The following TAF4B variants were observed in gnomAD, a reference collection of about 807,000 sequenced individuals.
TAF4B encodes TATA-box binding protein associated factor 4b, also known as transcription initiation factor TFIID subunit 4B.
Under a neutral mutation model 86.4 loss-of-function variants are expected in TAF4B, and 38 were observed. That is an observed-to-expected ratio of 0.44 (90% CI 0.34 to 0.58). The LOEUF (loss-of-function observed/expected upper bound fraction) is 0.58, where lower values mean the gene tolerates loss of function less well. TAF4B is among the 20% of genes least tolerant of loss of function. The pLI is 0.02. For missense variants in TAF4B, 988 were observed against 1,027.6 expected (o/e 0.96, Z 0.53); for synonymous variants, 388 against 391.2 (o/e 0.99, Z 0.10).
intron 9 of TAF4B, among the ~76,000 whole-genome samples, chr18:26,309,915 C>G (rs1160904141): frequency 6.6e-6 from 1 of 152,152 alleles, no homozygotes; most frequent in Non-Finnish European, 1.5e-5. Flanking sequence ...AACTCTGCCT[C>G]CCGGGTTCAA....
In TAF4B at chr18:26,300,955, A is replaced by G. The variant is rs80175189; in HGVS notation, c.1832+7424A>G. Among the ~76,000 whole-genome samples the G allele has an allele frequency of 8.3e-3, 1,262 of 152,106 alleles. 18 individuals carry two copies. The highest frequency in any genetic ancestry group is 0.027 in the African/African-American group (1,124 of 41,490). On this transcript the variant is annotated intron_variant, in intron 9 of 14. Coordinates refer to ENST00000269142, the MANE Select transcript of TAF4B (RefSeq NM_005640.3). ...ATTGGGACATCTCAAGCCACTAGTC[A>G]TAGACTAGGGAGTGCATAGACTAGG...
At chr18:26,327,633 T>G (rs1309455980) in intron 12 of TAF4B, among the ~76,000 whole-genome samples, 16 of 152,216 alleles carry the variant, frequency 1.1e-4, no homozygotes, top group Admixed American at 1.0e-3. Flanking sequence ...TGCAGTGGCA[T>G]GATCTCGGCT....
chr18:26,375,209 A>G (rs1390539571), intron 14 of TAF4B, among the ~76,000 whole-genome samples: 1 of 151,584 alleles, frequency 6.6e-6, no homozygotes, highest in African/African-American at 2.4e-5. Flanking sequence ...ACTGAGCATA[A>G]TGTTTTCATG....
chr18:26,350,577 G>A (rs543833851), intron 13 of TAF4B, among the ~76,000 whole-genome samples: 2 of 152,298 alleles, frequency 1.3e-5, no homozygotes, highest in South Asian at 2.1e-4. Context: ...TTGGGAGGCC[G>A]AAGTAGTGTG....
chr18:26,339,390 A>C (rs1598810847), intron 13 of TAF4B, among the ~76,000 whole-genome samples: 1 of 152,188 alleles, frequency 6.6e-6, no homozygotes, highest in African/African-American at 2.4e-5. Flanking sequence ...CAGTGACGCA[A>C]TCTGAGCTCA....
intron 14 of TAF4B, among the ~76,000 whole-genome samples, chr18:26,361,350 C>G (rs1301937699): frequency 6.8e-6 from 1 of 147,112 alleles, no homozygotes; most frequent in Non-Finnish European, 1.5e-5. Flanking sequence ...GCCTTGAACT[C>G]CTGGCCTCAA....
intron 13 of TAF4B, among the ~76,000 whole-genome samples, chr18:26,336,085 A>G (rs1341406025): frequency 6.6e-6 from 1 of 151,982 alleles, no homozygotes; most frequent in Non-Finnish European, 1.5e-5. Flanking sequence ...TCCCTCCTGA[A>G]TAAATCATCA....
rs1220239621 is a variant in TAF4B, at chr18:26,346,877, GTATATATATATATATATATATA to G, written c.2317-10811_2317-10790del. Reference sequence around the variant, plus strand: ...TATATATGTGTATATATATATATGTGTATATATATATATATATATATATGTGTGTGTATATATATATATATAG... The same window carrying G: ...TATATATGTGTATATATATATATGTGTGTGTGTGTATATATATATATATAG... On this transcript the variant is annotated intron_variant, in intron 13 of 14. Transcript: ENST00000269142. Among the ~76,000 whole-genome samples the G allele has an allele frequency of 5.3e-3, 35 of 6,606 alleles. 1 individual carries two copies. The highest frequency in any genetic ancestry group is 0.01 in the Non-Finnish European group (25 of 2,408). 4.3% of individuals were successfully genotyped at this position (6,606 alleles called of 152,430 possible).
intron 9 of TAF4B, among the ~76,000 whole-genome samples, chr18:26,314,223 T>G (rs2056879589): frequency 6.6e-6 from 1 of 152,210 alleles, no homozygotes; most frequent in Admixed American, 6.5e-5. Flanking sequence ...TTTTATATAA[T>G]CACATTATTG....
chr18:26,371,703 T>G (rs1312429630), intron 14 of TAF4B, among the ~76,000 whole-genome samples: 2 of 152,096 alleles, frequency 1.3e-5, no homozygotes, highest in African/African-American at 2.4e-5. Context: ...ACATATAAGC[T>G]CTAGGTCTGG....
chr18:26,389,275 T>C (rs528859778), intron 14 of TAF4B, among the ~76,000 whole-genome samples: 5 of 152,118 alleles, frequency 3.3e-5, no homozygotes, highest in Non-Finnish European at 7.4e-5. Flanking sequence ...AGAGATAATA[T>C]ATGAAAAGTG....
intron 7 of TAF4B, among the ~76,000 whole-genome samples, chr18:26,286,967 C>CAAT (rs1387178810): frequency 2.0e-5 from 3 of 152,106 alleles, no homozygotes; most frequent in Non-Finnish European, 4.4e-5. Context: ...TACAGACAGG[C>CAAT]AATGAGCCAC....
chr18:26,274,609 C>T (rs2056359886), intron 3 of TAF4B, 54 bp from the exon 4 acceptor site: 1 of 1,588,470 alleles, frequency 6.3e-7, no homozygotes, highest in Admixed American at 1.7e-5. Flanking sequence ...AATGAGGCAC[C>T]CACTAATGTA....
At chr18:26,384,885 G>GGA (rs1978316772) in intron 14 of TAF4B, among the ~76,000 whole-genome samples, 1 of 152,214 alleles carries the variant, frequency 6.6e-6, no homozygotes, top group East Asian at 1.9e-4. Context: ...TGCCTATGGA[G>GGA]GAGACAACGA....
chr18:26,303,077 C>CTCCCTCCACTTTCATCCT (rs2056755426), intron 9 of TAF4B, among the ~76,000 whole-genome samples: 3 of 33,626 alleles, frequency 8.9e-5, no homozygotes, highest in Non-Finnish European at 1.1e-4. Context: ...ACTTTCATAC[C>CTCCCTCCACTTTCATCCT]CCCTCCACTT....
chr18:26,278,627 T>G (rs990994589), intron 5 of TAF4B, among the ~76,000 whole-genome samples: 2 of 151,958 alleles, frequency 1.3e-5, no homozygotes, highest in African/African-American at 4.8e-5. Context: ...TTTTTTTTTT[T>G]TTTTTCTCCA....
intron 10 of TAF4B, among the ~76,000 whole-genome samples, chr18:26,320,351 A>G (rs1215419648): frequency 6.6e-6 from 1 of 152,226 alleles, no homozygotes; most frequent in Admixed American, 6.5e-5. Context: ...AGGTTGATTT[A>G]TAAATGAACT....
At chr18:26,279,973 G>C (rs1598752075) in intron 5 of TAF4B, among the ~76,000 whole-genome samples, 1 of 151,922 alleles carries the variant, frequency 6.6e-6, no homozygotes, top group African/African-American at 2.4e-5. Flanking sequence ...GAACCTGGGA[G>C]GGGGAGGTTG....
At chr18:26,312,040 G>C (rs536714414) in intron 9 of TAF4B, among the ~76,000 whole-genome samples, 31 of 152,262 alleles carry the variant, frequency 2.0e-4, no homozygotes, top group African/African-American at 6.0e-4. Flanking sequence ...AGAATCTTGA[G>C]TTGGAAGGCT....
Sources: allele counts gnomAD v4.1 joint callset (sites outside exome capture counted in the v4.1 genomes callset), GRCh38; gene constraint gnomAD v4.1.1; transcripts MANE v1.5; gene names NCBI Gene and HGNC (gene_info 2026-07-23, HGNC 2026-07-21).